The following HPSE2 variants were observed in gnomAD, a reference collection of about 807,000 sequenced individuals.
The protein encoded by HPSE2 is heparanase 2 (inactive), also known as inactive heparanase-2.
HPSE2 carries 38 observed loss-of-function variants against 60.5 expected under a neutral mutation model. The observed-to-expected ratio is 0.63, with a 90% CI of 0.48 to 0.82. HPSE2 has a LOEUF of 0.82. HPSE2 is among the 40% of genes least tolerant of loss of function. The pLI, the probability that HPSE2 is intolerant of heterozygous loss-of-function variation, is 0.00. For missense variants in HPSE2, 713 were observed against 740.4 expected (o/e 0.96, Z 0.43); for synonymous variants, 295 against 293.2 (o/e 1.01, Z -0.06).
intron 3 of HPSE2, among the ~76,000 whole-genome samples, chr10:98,853,712 A>T (rs888157131): frequency 2.0e-5 from 3 of 151,982 alleles, no homozygotes; most frequent in Admixed American, 2.0e-4. Flanking sequence ...ATAAAAAGGC[A>T]GTTATAAAGA....
rs1399959986 is a variant in HPSE2, at chr10:99,123,375, A to G, written c.610+20863T>C. Among the ~76,000 whole-genome samples the G allele has an allele frequency of 3.9e-5, 6 of 152,238 alleles. No homozygotes were observed. The East Asian group carries it at 9.6e-4, about 24-fold the overall frequency. On this transcript the variant is annotated intron_variant, in intron 3 of 11. Transcript: ENST00000370552. ...TATACAAACCCCAATTATAGTCAGA[A>G]AACTGCAACAATTAGATGTTTTTTA... is the stretch of plus-strand genomic sequence containing the variant.
At chr10:98,479,478 C>G (rs1941150537) in intron 11 of HPSE2, among the ~76,000 whole-genome samples, 1 of 152,204 alleles carries the variant, frequency 6.6e-6, no homozygotes, top group African/African-American at 2.4e-5. Context: ...GAAACCACAC[C>G]CTTCCTGTGA....
chr10:98,641,727 C>G, intron 7 of HPSE2, 120 bp downstream of exon 7: 1 of 796,576 alleles, frequency 1.3e-6, no homozygotes, highest in East Asian at 2.4e-5. Context: ...CTAGACTGCA[C>G]TATTTTCCTA....
At chr10:98,827,583 A>C (rs1352708344) in intron 3 of HPSE2, among the ~76,000 whole-genome samples, 1 of 152,226 alleles carries the variant, frequency 6.6e-6, no homozygotes, top group Non-Finnish European at 1.5e-5. Context: ...AAAAGGGCAG[A>C]AAGATGTTTA....
At position 98,960,743 on chromosome 10, in the gene HPSE2, T is replaced by TTA. The variant is rs1564692906; in HGVS notation, c.610+183494_610+183495insTA. Among the ~76,000 whole-genome samples, 16 of 132,304 alleles carry TTA rather than the reference T, an allele frequency of 1.2e-4. 1 individual carries two copies. Among genetic ancestry groups the TTA allele is most frequent in the South Asian group, 5.3e-4 (2 of 3,796 alleles). The allele number at this position is 132,304 out of a possible 152,430, so 86.8% of individuals were successfully genotyped here. ...TTTGTTTTATTTTTTTTATTTTATT[T>TTA]TTTTTTTTATTATACTCTAAGTTTT... On this transcript the variant is annotated intron_variant, in intron 3 of 11. Transcript: ENST00000370552.
chr10:98,599,463 G>A (rs1461113960), intron 9 of HPSE2, among the ~76,000 whole-genome samples: 1 of 152,186 alleles, frequency 6.6e-6, no homozygotes, highest in Non-Finnish European at 1.5e-5. Context: ...GACAGGCCTG[G>A]AGCCTGGGGC....
chr10:98,463,479 T>C (rs1364865155), intron 11 of HPSE2, among the ~76,000 whole-genome samples: 1 of 152,216 alleles, frequency 6.6e-6, no homozygotes, highest in African/African-American at 2.4e-5. Flanking sequence ...AAGTAGATAT[T>C]GTTGGGATTG....
At chr10:99,221,186 G>A (rs1378301716) in intron 2 of HPSE2, among the ~76,000 whole-genome samples, 1 of 151,874 alleles carries the variant, frequency 6.6e-6, no homozygotes, top group Non-Finnish European at 1.5e-5. Context: ...TTTAATGAGA[G>A]TATTCATGTG....
chr10:98,694,560 C>T (rs896036903), intron 5 of HPSE2, among the ~76,000 whole-genome samples: 1 of 152,174 alleles, frequency 6.6e-6, no homozygotes, highest in African/African-American at 2.4e-5. Context: ...CAATCATGCT[C>T]AGCTCAAAAG....
At chr10:99,236,910 C>A (rs1849872036), upstream of HPSE2, among the ~76,000 whole-genome samples, 1 of 152,174 alleles carries the variant, frequency 6.6e-6, no homozygotes. Flanking sequence ...GGAGGTCAAT[C>A]CTATACTTAG....
intron 3 of HPSE2, among the ~76,000 whole-genome samples, chr10:99,140,047 G>T (rs182804884): frequency 1.3e-5 from 2 of 152,214 alleles, no homozygotes; most frequent in Non-Finnish European, 2.9e-5. Context: ...ACTTTTCAAG[G>T]TGTTTTTTTA....
intron 2 of HPSE2, among the ~76,000 whole-genome samples, chr10:99,186,129 C>CACACATACACACACAT (rs1554912906): frequency 1.2e-4 from 17 of 141,608 alleles, no homozygotes; most frequent in Non-Finnish European, 2.0e-4. Context: ...CACACACACA[C>CACACATACACACACAT]ACACACACAC....
intron 3 of HPSE2, among the ~76,000 whole-genome samples, chr10:99,038,432 A>G (rs1262750170): frequency 6.6e-6 from 1 of 152,174 alleles, no homozygotes; most frequent in Non-Finnish European, 1.5e-5. Flanking sequence ...CAATTACTAT[A>G]TGATTTCAAT....
chr10:98,916,168 G>A (rs1590070820), intron 3 of HPSE2, among the ~76,000 whole-genome samples: 1 of 152,224 alleles, frequency 6.6e-6, no homozygotes, highest in East Asian at 1.9e-4. Context: ...AGGTTTGTCA[G>A]AGGACCAAAT....
At chr10:98,934,215 T>TCC in intron 3 of HPSE2, among the ~76,000 whole-genome samples, 1 of 144,230 alleles carries the variant, frequency 6.9e-6, no homozygotes, top group African/African-American at 2.8e-5. Flanking sequence ...CAACAGGTCT[T>TCC]CTCTTTGTAT....
chr10:98,511,588 GTGTGTGTGTT>G (rs1311031999), intron 9 of HPSE2, among the ~76,000 whole-genome samples: 8 of 149,628 alleles, frequency 5.3e-5, no homozygotes, highest in Middle Eastern at 3.4e-3. Flanking sequence ...GTGTGTGTGT[GTGTGTGTGTT>G]TGTGTGTGTG....
intron 9 of HPSE2, among the ~76,000 whole-genome samples, chr10:98,595,405 C>T (rs1389394405): frequency 6.6e-6 from 1 of 152,048 alleles, no homozygotes; most frequent in Non-Finnish European, 1.5e-5. Flanking sequence ...CTCCTGACCT[C>T]GTGATCCACC....
chr10:98,803,345 T>G (rs1162341130), intron 3 of HPSE2, among the ~76,000 whole-genome samples: 5 of 150,340 alleles, frequency 3.3e-5, no homozygotes, highest in Admixed American at 2.0e-4. Flanking sequence ...ATTTGTCAAT[T>G]TTGGCTTTTG....
chr10:98,543,702 A>T (rs1333171619), intron 9 of HPSE2, among the ~76,000 whole-genome samples: 14 of 151,884 alleles, frequency 9.2e-5, no homozygotes, highest in East Asian at 3.9e-4. Context: ...AAACAGACTT[A>T]AAACCAACAA....
Sources: allele counts gnomAD v4.1 joint callset (sites outside exome capture counted in the v4.1 genomes callset), GRCh38; gene constraint gnomAD v4.1.1; transcripts MANE v1.5; gene names NCBI Gene and HGNC (gene_info 2026-07-23, HGNC 2026-07-21).